ZFR: variants seen among roughly 807,000 people sequenced by gnomAD.
ZFR encodes zinc finger RNA-binding protein.
In ZFR, 19 loss-of-function variants were observed where a neutral mutation model predicts 130.7. The observed-to-expected ratio is 0.15, with a 90% CI of 0.10 to 0.21. The LOEUF is 0.21. Among genes scored for constraint, ZFR ranks in the 10% least tolerant of loss-of-function variants. The probability of loss-of-function intolerance (pLI) is 1.00; values close to 1 mark genes in which losing one functional copy is unlikely to be tolerated. For missense variants in ZFR, 872 were observed against 1,321.5 expected, an observed-to-expected ratio of 0.66 and a Z score of 5.27; for synonymous variants, 466 against 456.9, an observed-to-expected ratio of 1.02 and a Z score of -0.25.
intron 9 of ZFR, among the ~76,000 whole-genome samples, chr5:32,399,085 C>A (rs1273720614): frequency 6.6e-6 from 1 of 151,832 alleles, no homozygotes; most frequent in East Asian, 1.9e-4. Flanking sequence ...ACCAGCCTGG[C>A]CAACATAGTG....
At chr5:32,390,163 T>C (rs1203401773) in intron 12 of ZFR, 112 bp downstream of exon 12, 2 of 1,389,424 alleles carry the variant, frequency 1.4e-6, no homozygotes, top group African/African-American at 1.4e-5. Context: ...TCAAAAAAAC[T>C]ACCAAGATTA....
At position 32,355,561 on chromosome 5, in the gene ZFR, G is replaced by A; in HGVS notation, c.*199C>T. 1 of 409,300 alleles carries A rather than the reference G, an allele frequency of 2.4e-6. No homozygotes were observed. The highest frequency in any genetic ancestry group is 4.2e-6 in the Non-Finnish European group (1 of 239,098). 25.4% of individuals were successfully genotyped at this position (409,300 alleles called of 1,614,324 possible). Reference sequence around the variant, plus strand: ...AACTACTGTTTTCCCCCTAGTCGGAGCACATTTTTTTTTTTGGGTGTCTTT... The same window carrying A: ...AACTACTGTTTTCCCCCTAGTCGGAACACATTTTTTTTTTTGGGTGTCTTT... On this transcript the variant is annotated 3_prime_UTR_variant, in exon 20 of 20. Transcript: ENST00000265069.
At chr5:32,370,351 G>C (rs1277820804) in intron 17 of ZFR, among the ~76,000 whole-genome samples, 5 of 1,668 alleles carry the variant, frequency 3.0e-3, no homozygotes, top group South Asian at 0.014. Context: ...GAGAGAGAGA[G>C]AGACAGACAG....
intron 2 of ZFR, among the ~76,000 whole-genome samples, chr5:32,434,040 A>T (rs531963197): frequency 2.0e-4 from 30 of 152,370 alleles, no homozygotes; most frequent in African/African-American, 7.0e-4. Flanking sequence ...ACTGCACTCC[A>T]GCGTGGGCTA....
intron 5 of ZFR, among the ~76,000 whole-genome samples, chr5:32,409,873 G>A (rs1055765357): frequency 1.3e-5 from 2 of 151,512 alleles, no homozygotes; most frequent in African/African-American, 2.4e-5. Flanking sequence ...GCGTGGTGGT[G>A]TGCCTGTAGT....
At chr5:32,356,717 C>T (rs61201325) in intron 19 of ZFR, among the ~76,000 whole-genome samples, 1 of 152,070 alleles carries the variant, frequency 6.6e-6, no homozygotes, top group Non-Finnish European at 1.5e-5. Flanking sequence ...CTGCGCCCGG[C>T]CTCCAAGTAT....
chr5:32,394,293 T>C (rs1753246471), intron 11 of ZFR: 1 of 166,998 alleles, frequency 6.0e-6, no homozygotes, highest in Non-Finnish European at 1.5e-5. Flanking sequence ...GACAATGGAA[T>C]ACTGAAACAT....
At chr5:32,382,013 A>G (rs1752945255) in intron 15 of ZFR, among the ~76,000 whole-genome samples, 1 of 152,166 alleles carries the variant, frequency 6.6e-6, no homozygotes, top group African/African-American at 2.4e-5. Flanking sequence ...TTTAAAAAAG[A>G]AAAAAGGGCC....
chr5:32,359,967 GAAAA>G (rs1693611859), intron 19 of ZFR, among the ~76,000 whole-genome samples: 1 of 149,658 alleles, frequency 6.7e-6, no homozygotes, highest in African/African-American at 2.4e-5. Flanking sequence ...AAAAAAGAAA[GAAAA>G]ATTCCTTGTT....
At chr5:32,409,127 A>C (rs1415518715) in intron 5 of ZFR, among the ~76,000 whole-genome samples, 3 of 152,160 alleles carry the variant, frequency 2.0e-5, no homozygotes, top group Non-Finnish European at 4.4e-5. Flanking sequence ...ATCTCTCTCA[A>C]GCTTTATATC....
At chr5:32,365,703 T>C (rs893998257) in intron 17 of ZFR, among the ~76,000 whole-genome samples, 2 of 150,454 alleles carry the variant, frequency 1.3e-5, no homozygotes, top group African/African-American at 4.8e-5. Flanking sequence ...GCCCAAGAGC[T>C]TGAGGTTGCA....
chr5:32,407,507 C>G (rs1217325823), intron 5 of ZFR, among the ~76,000 whole-genome samples: 1 of 151,608 alleles, frequency 6.6e-6, no homozygotes, highest in Non-Finnish European at 1.5e-5. Context: ...GGAAAACATA[C>G]AAATGTGACA....
chr5:32,378,734 A>AT (rs1415729099), intron 17 of ZFR, among the ~76,000 whole-genome samples: 1 of 152,008 alleles, frequency 6.6e-6, no homozygotes, highest in East Asian at 1.9e-4. Flanking sequence ...GTATTTCTGA[A>AT]TTTTTACAGT....
intron 17 of ZFR, among the ~76,000 whole-genome samples, chr5:32,370,423 A>G (rs1752646633): frequency 6.6e-6 from 1 of 151,560 alleles, no homozygotes. Flanking sequence ...CCCAGGGTGA[A>G]GTGCAGTGGT....
chr5:32,414,938 T>C (rs1173304106), intron 5 of ZFR, 31 bp downstream of exon 5: 2 of 1,572,334 alleles, frequency 1.3e-6, no homozygotes, highest in Non-Finnish European at 1.7e-6. Context: ...CTAATTTGTT[T>C]ACTCATTTAA....
chr5:32,404,083 A>G lies in ZFR; in HGVS notation c.1047T>C (p.His349=). ...SCAGPQTYKE[H]LEGQKHKKKE... ...TTTTTTTATGTTTCTGTCCTTCTAA[A>G]TGTTCTTTATAAGTCTGTTTCAAAT... The change falls in exon 7 of 20, where the codon CAT becomes CAC. Residue 349 remains histidine, a synonymous_variant. Transcript: ENST00000265069. 1 of 1,606,804 alleles carries G rather than the reference A, an allele frequency of 6.2e-7. No individual in the cohort carries two copies.
chr5:32,366,529 A>AC (rs1491584396), intron 17 of ZFR, among the ~76,000 whole-genome samples: 1 of 152,214 alleles, frequency 6.6e-6, no homozygotes, highest in East Asian at 1.9e-4. Flanking sequence ...ATACACTTAA[A>AC]CACACACAAT....
At chr5:32,373,305 A>G (rs546148060) in intron 17 of ZFR, among the ~76,000 whole-genome samples, 1 of 152,230 alleles carries the variant, frequency 6.6e-6, no homozygotes, top group South Asian at 2.1e-4. Context: ...ACACAGGAGA[A>G]TTGCTTGAAC....
At chr5:32,385,404 G>A (rs984818201) in intron 15 of ZFR, 104 bp downstream of exon 15, 24 of 1,322,524 alleles carry the variant, frequency 1.8e-5, no homozygotes, top group Middle Eastern at 2.2e-4. Flanking sequence ...TCAAATTCAC[G>A]TGTAATGCCA....
Sources: gnomAD v4.1 joint callset for allele counts (sites outside exome capture counted in the v4.1 genomes callset) on GRCh38, gnomAD v4.1.1 for gene constraint, MANE v1.5 for transcripts, NCBI Gene and HGNC (gene_info 2026-07-23, HGNC 2026-07-21) for gene names.